SNAP91: variants seen among roughly 807,000 people sequenced by gnomAD.
SNAP91 encodes the protein synaptosome associated protein 91, also known as clathrin coat assembly protein AP180.
SNAP91 carries 27 observed loss-of-function variants against 100.3 expected under a neutral mutation model. The ratio of observed to expected loss-of-function variants is 0.27; its 90% CI spans 0.20 to 0.37. The LOEUF is 0.37. Among genes scored for constraint, SNAP91 ranks in the 10% least tolerant of loss-of-function variants. The pLI is 1.00. For synonymous variants in SNAP91, 404 were observed against 398.6 expected, an observed-to-expected ratio of 1.01 and a Z score of -0.16; for missense variants, 986 against 1,123.7, an observed-to-expected ratio of 0.88 and a Z score of 1.75.
At chr6:83,559,808 A>G (rs1358268722) in intron 28 of SNAP91, among the ~76,000 whole-genome samples, 1 of 152,206 alleles carries the variant, frequency 6.6e-6, no homozygotes, top group Non-Finnish European at 1.5e-5. Context: ...ACAGACCAGA[A>G]GCATTCATTT....
chr6:83,572,301 T>C (rs1562151841), intron 26 of SNAP91, among the ~76,000 whole-genome samples: 3 of 152,084 alleles, frequency 2.0e-5, no homozygotes. Flanking sequence ...GGCTGGAGTG[T>C]AGTAGCACAA....
At chr6:83,580,422 G>C (rs111519208) in intron 24 of SNAP91, 28 bp downstream of exon 24, 2 of 368,348 alleles carry the variant, frequency 5.4e-6, no homozygotes, top group Non-Finnish European at 6.1e-6. Context: ...TTCAGTTAAA[G>C]AAAAAAAAAA....
At chr6:83,634,026 C>T (rs2097325778) in intron 8 of SNAP91, among the ~76,000 whole-genome samples, 1 of 152,078 alleles carries the variant, frequency 6.6e-6, no homozygotes, top group African/African-American at 2.4e-5. Flanking sequence ...GGGTGCAGCA[C>T]ACCAACATGG....
chr6:83,599,637 C>T (rs1424811472), intron 16 of SNAP91, among the ~76,000 whole-genome samples: 2 of 152,142 alleles, frequency 1.3e-5, no homozygotes, highest in Non-Finnish European at 2.9e-5. Flanking sequence ...GCCTAAACAA[C>T]TTTGACAAAC....
chr6:83,614,911 T>G, intron 10 of SNAP91, 49 bp from the exon 11 acceptor site: 1 of 1,473,790 alleles, frequency 6.8e-7, no homozygotes, highest in Non-Finnish European at 9.3e-7. Context: ...AATAGTTAAC[T>G]ATTATAGTTC....
chr6:83,684,777 A>T (rs547518430), intron 2 of SNAP91, among the ~76,000 whole-genome samples: 76 of 152,280 alleles, frequency 5.0e-4, no homozygotes, highest in Non-Finnish European at 9.4e-4. Flanking sequence ...GTTATTTTTT[A>T]AAAAATCAGA....
At chr6:83,597,602 A>G (rs2094613545) in intron 16 of SNAP91, among the ~76,000 whole-genome samples, 1 of 152,142 alleles carries the variant, frequency 6.6e-6, no homozygotes, top group South Asian at 2.1e-4. Flanking sequence ...GCTGCAGACT[A>G]GTCTTTTTTC....
intron 24 of SNAP91, among the ~76,000 whole-genome samples, chr6:83,576,738 A>G (rs1205608846): frequency 1.3e-5 from 2 of 152,184 alleles, no homozygotes; most frequent in Non-Finnish European, 2.9e-5. Context: ...TCCGTAATAA[A>G]TCTCAGCTGT....
intron 3 of SNAP91, among the ~76,000 whole-genome samples, chr6:83,664,274 A>C (rs547360861): frequency 6.6e-6 from 1 of 152,294 alleles, no homozygotes; most frequent in African/African-American, 2.4e-5. Context: ...TTGTTATTTA[A>C]GAAATACATT....
At chr6:83,640,998 T>A (rs2097676621) in intron 8 of SNAP91, 98 bp downstream of exon 8, 1 of 675,962 alleles carries the variant, frequency 1.5e-6, no homozygotes, top group East Asian at 3.3e-5. Flanking sequence ...CCAACCCTAA[T>A]ATACTGTGAC....
chr6:83,708,137 T>A, intron 1 of SNAP91, 180 bp from the exon 2 acceptor site: 1 of 528,036 alleles, frequency 1.9e-6, no homozygotes, highest in Non-Finnish European at 3.2e-6. Context: ...CAGGGAGTCT[T>A]GGCCGTGAGT....
At position 83,576,022 on chromosome 6, in the gene SNAP91, CT is replaced by C. The variant is rs1173463613; in HGVS notation, c.2330del (p.Lys777ArgfsTer13). ...AAATCACATAATTTCCAAACACTTACTTTTTTGTTGTGGTACCAGAAATTCC... is the reference window on the plus strand; with the variant it reads ...AAATCACATAATTTCCAAACACTTACTTTTTGTTGTGGTACCAGAAATTCC... ...NLGISGTTTKKGDLQWNAGEK... is the reference protein window; with the variant it reads ...NLGISGTTTKXGDLQWNAGEK... On this transcript the variant is annotated frameshift_variant and splice_region_variant, in exon 25 of 30. Coordinates refer to ENST00000369694, the MANE Select transcript of SNAP91 (RefSeq NM_001242792.2). LOFTEE classifies it high-confidence loss of function. 2 of 1,415,064 alleles carry C rather than the reference CT, an allele frequency of 1.4e-6. No individual in the cohort carries two copies. The highest frequency in any genetic ancestry group is 1.9e-6 in the Non-Finnish European group (2 of 1,039,828). 87.7% of individuals were successfully genotyped at this position (1,415,064 alleles called of 1,614,324 possible). A position where few individuals can be genotyped will look rare whatever the true frequency, so the allele number is the denominator to read the frequency against.
intron 26 of SNAP91, among the ~76,000 whole-genome samples, chr6:83,564,997 C>A: frequency 6.7e-6 from 1 of 148,888 alleles, no homozygotes; most frequent in Admixed American, 6.8e-5. Flanking sequence ...AAAATATTGG[C>A]AAATCATTTA....
At chr6:83,634,730 G>A (rs917331265) in intron 8 of SNAP91, among the ~76,000 whole-genome samples, 1 of 152,166 alleles carries the variant, frequency 6.6e-6, no homozygotes, top group East Asian at 1.9e-4. Flanking sequence ...TATGTGTGAT[G>A]TTAGGTTATT....
At chr6:83,638,932 T>C (rs986051255) in intron 8 of SNAP91, among the ~76,000 whole-genome samples, 1 of 152,178 alleles carries the variant, frequency 6.6e-6, no homozygotes, top group Non-Finnish European at 1.5e-5. Flanking sequence ...CAGAAATATA[T>C]CTTACCAGTA....
intron 16 of SNAP91, 133 bp downstream of exon 16, chr6:83,601,138 C>A: frequency 1.4e-6 from 1 of 714,610 alleles, no homozygotes; most frequent in Non-Finnish European, 2.3e-6. Context: ...GATAAATATA[C>A]ATGAATAAAC....
intron 2 of SNAP91, among the ~76,000 whole-genome samples, chr6:83,688,063 G>T (rs1217047417): frequency 6.6e-6 from 1 of 152,156 alleles, no homozygotes; most frequent in Non-Finnish European, 1.5e-5. Context: ...TATGGGCCAA[G>T]ATTAAAATAT....
rs58463618 is a variant in SNAP91, at chr6:83,613,078, T to C, written c.884+1779A>G. Among the ~76,000 whole-genome samples, 728 of 152,220 alleles carry C rather than the reference T, an allele frequency of 4.8e-3. 3 individuals are homozygous for C. Among genetic ancestry groups the C allele is most frequent in the African/African-American group, 0.017 (692 of 41,544 alleles). On this transcript the variant is annotated intron_variant, in intron 11 of 29. Coordinates refer to ENST00000369694, the MANE Select transcript of SNAP91 (RefSeq NM_001242792.2). ...ATACTTAAGTATGAAAAATCATAAT[T>C]GGTACAAGAATCATTTTGCCAAGCT... is the stretch of plus-strand genomic sequence containing the variant.
intron 6 of SNAP91, among the ~76,000 whole-genome samples, chr6:83,657,681 C>T (rs1296738412): frequency 6.6e-6 from 1 of 151,924 alleles, no homozygotes; most frequent in Non-Finnish European, 1.5e-5. Context: ...TTGTTGTAGG[C>T]AACTACCAAA....
Sources: gnomAD v4.1 joint callset for allele counts (sites outside exome capture counted in the v4.1 genomes callset) on GRCh38, gnomAD v4.1.1 for gene constraint, MANE v1.5 for transcripts, NCBI Gene and HGNC (gene_info 2026-07-23, HGNC 2026-07-21) for gene names.